USH2A: variants seen among roughly 807,000 people sequenced by gnomAD.
USH2A encodes the protein Usher syndrome 2A (autosomal recessive, mild).
A neutral mutation model predicts 538.9 loss-of-function variants in USH2A; 443 were observed. The observed-to-expected ratio is 0.82, with a 90% CI of 0.76 to 0.89. The LOEUF (loss-of-function observed/expected upper bound fraction) is 0.89. Ranked by LOEUF, USH2A falls within the 40% of genes least tolerant of loss-of-function variation. The probability of loss-of-function intolerance (pLI) is 0.00; values close to 1 mark genes in which losing one functional copy is unlikely to be tolerated. For missense variants in USH2A, 6,633 were observed against 6,324.8 expected (o/e 1.05, Z -1.65); for synonymous variants, 2,413 against 2,273.5 (o/e 1.06, Z -1.75).
intron 59 of USH2A, among the ~76,000 whole-genome samples, chr1:215,741,822 T>C (rs1660314398): frequency 6.6e-6 from 1 of 152,220 alleles, no homozygotes; most frequent in Non-Finnish European, 1.5e-5. Flanking sequence ...CTCAAGTTTC[T>C]CTAGTTTATT....
chr1:216,272,774 T>C (rs1442425743), intron 11 of USH2A, among the ~76,000 whole-genome samples: 1 of 152,106 alleles, frequency 6.6e-6, no homozygotes, highest in Non-Finnish European at 1.5e-5. Flanking sequence ...AGGATAGACA[T>C]TGATTGGCAA....
At chr1:216,054,107 T>C (rs2030890578) in intron 30 of USH2A, among the ~76,000 whole-genome samples, 1 of 152,158 alleles carries the variant, frequency 6.6e-6, no homozygotes, top group South Asian at 2.1e-4. Context: ...TTATCCTCTA[T>C]CCCAGCAGCT....
chr1:215,936,908 G>C (rs185924303), intron 37 of USH2A, among the ~76,000 whole-genome samples: 1 of 152,116 alleles, frequency 6.6e-6, no homozygotes, highest in East Asian at 1.9e-4. Context: ...GTTATTACTT[G>C]ACTATTTTCA....
chr1:215,674,041 C>T, intron 63 of USH2A, 59 bp downstream of exon 63: 1 of 1,613,192 alleles, frequency 6.2e-7, no homozygotes, highest in Non-Finnish European at 8.5e-7. Context: ...ACCAAGGGCT[C>T]AGGCAATAGA....
intron 20 of USH2A, 120 bp from the exon 21 acceptor site, chr1:216,175,602 G>T (rs1215822555): frequency 3.1e-6 from 3 of 972,052 alleles, no homozygotes; most frequent in Non-Finnish European, 4.8e-6. Context: ...ATCAGTTGTG[G>T]TTTCAAGTAT....
In USH2A at chr1:216,200,015, G is replaced by A. The variant is rs756771846; in HGVS notation, c.3423C>T (p.Tyr1141=). 2 of 1,613,944 alleles carry A rather than the reference G, an allele frequency of 1.2e-6. No individual in the cohort carries two copies. The highest frequency in any genetic ancestry group is 3.3e-5 in the Admixed American group (2 of 59,998). The change falls in exon 17 of 72, where the codon TAC becomes TAT. Residue 1141 remains tyrosine, a synonymous_variant. Transcript: ENST00000307340. ...CCTCTGGGACCCCTGGTTTTGTCTT[G>A]TAAGTGACAGCTACACTCCTTGTTG... ...HGSTRSVAVT[Y]KTKPGVPEGN...
chr1:216,175,582 TTCAAA>T, intron 20 of USH2A, 100 bp from the exon 21 acceptor site: 2 of 1,115,306 alleles, frequency 1.8e-6, no homozygotes, highest in Non-Finnish European at 1.3e-6. Flanking sequence ...TATATCACAC[TTCAAA>T]TCAAATCAGT....
chr1:215,808,042 G>A (rs1662552228), intron 49 of USH2A, among the ~76,000 whole-genome samples: 1 of 152,062 alleles, frequency 6.6e-6, no homozygotes, highest in Middle Eastern at 3.2e-3. Context: ...ATGGAGCCAG[G>A]CAGTTTGACT....
intron 44 of USH2A, among the ~76,000 whole-genome samples, chr1:215,860,916 A>T (rs953802406): frequency 1.3e-5 from 2 of 152,220 alleles, no homozygotes; most frequent in African/African-American, 4.8e-5. Context: ...TGCTCGCAGA[A>T]TCTCCAAATT....
intron 44 of USH2A, among the ~76,000 whole-genome samples, chr1:215,847,307 G>T (rs1663877079): frequency 6.6e-6 from 1 of 152,088 alleles, no homozygotes; most frequent in Non-Finnish European, 1.5e-5. Context: ...TTAGGATGGG[G>T]GTGGAGTGTT....
chr1:216,119,897 T>C (rs1215623966), intron 21 of USH2A, among the ~76,000 whole-genome samples: 1 of 152,168 alleles, frequency 6.6e-6, no homozygotes, highest in African/African-American at 2.4e-5. Context: ...TTCTCCCAGA[T>C]GGTTATTTCC....
At chr1:215,771,022 G>T (rs1358114402) in intron 55 of USH2A, among the ~76,000 whole-genome samples, 1 of 151,454 alleles carries the variant, frequency 6.6e-6, no homozygotes, top group Non-Finnish European at 1.5e-5. Context: ...AGCTGTTTGG[G>T]AGGCTGATGC....
chr1:216,315,546 A>T (rs1388501190), intron 9 of USH2A, among the ~76,000 whole-genome samples: 1 of 152,156 alleles, frequency 6.6e-6, no homozygotes, highest in African/African-American at 2.4e-5. Flanking sequence ...CAGGGTACAC[A>T]TATGCCAAAA....
intron 16 of USH2A, among the ~76,000 whole-genome samples, chr1:216,202,823 T>G: frequency 6.6e-6 from 1 of 152,182 alleles, no homozygotes; most frequent in East Asian, 1.9e-4. Context: ...ACTGGGAAAC[T>G]TTCAGTGGTT....
At chr1:215,790,557 T>G (rs981616950) in intron 50 of USH2A, among the ~76,000 whole-genome samples, 2 of 152,188 alleles carry the variant, frequency 1.3e-5, no homozygotes, top group Admixed American at 6.5e-5. Flanking sequence ...TAAAAAGAGA[T>G]AGGATTTCTG....
At chr1:215,840,728 G>A (rs1273581723) in intron 46 of USH2A, among the ~76,000 whole-genome samples, 2 of 152,202 alleles carry the variant, frequency 1.3e-5, no homozygotes, top group East Asian at 1.9e-4. Context: ...TCTAGGTTGT[G>A]TGTTTCGAGT....
At chr1:216,372,582 T>C (rs1195082212) in intron 3 of USH2A, among the ~76,000 whole-genome samples, 1 of 152,158 alleles carries the variant, frequency 6.6e-6, no homozygotes, top group Non-Finnish European at 1.5e-5. Context: ...TTTTTTTTTG[T>C]CCTATCTTGA....
chr1:215,897,721 G>GAGAA (rs3057759), intron 40 of USH2A, among the ~76,000 whole-genome samples: 75,169 of 148,874 alleles, frequency 0.5, 20,984 homozygotes, highest in African/African-American at 0.76. Context: ...AAGAAAGAAA[G>GAGAA]AGAAAGAAAG....
rs79676898 is a variant in USH2A at position 215,657,821 on chromosome 1, C to T, written c.14134-7020G>A. On this transcript the variant is annotated intron_variant, in intron 64 of 71. Transcript: ENST00000307340. ...TGTCTTGTCGCTACTGCTTCTCATA[C>T]CGCCTTGCTCTTTGGAGCCATTTAA... 7.6e-3 allele frequency among the ~76,000 whole-genome samples: 1,151 copies of T among 152,262 alleles called. 8 individuals carry two copies. Among genetic ancestry groups the T allele is most frequent in the African/African-American group, 0.025 (1,057 of 41,552 alleles).
Sources: allele counts gnomAD v4.1 joint callset (sites outside exome capture counted in the v4.1 genomes callset), GRCh38; gene constraint gnomAD v4.1.1; transcripts MANE v1.5; gene names NCBI Gene and HGNC (gene_info 2026-07-23, HGNC 2026-07-21).